Variants in LSAMP observed in about 807,000 individuals in gnomAD.
The protein encoded by LSAMP is limbic system-associated membrane protein.
Under a neutral mutation model 38.6 loss-of-function variants are expected in LSAMP, and 7 were observed. The ratio of observed to expected loss-of-function variants is 0.18; its 90% confidence interval spans 0.10 to 0.34. The LOEUF (loss-of-function observed/expected upper bound fraction) is 0.34, where lower values mean the gene tolerates loss of function less well. Among genes scored for constraint, LSAMP ranks in the 10% least tolerant of loss-of-function variants. LSAMP has a pLI of 1.00. For synonymous variants in LSAMP, 154 were observed against 166.8 expected, an observed-to-expected ratio of 0.92 and a Z score of 0.59; for missense variants, 313 against 420.0, an observed-to-expected ratio of 0.75 and a Z score of 2.23.
chr3:116,228,680 A>G (rs2046368601), intron 1 of LSAMP, among the ~76,000 whole-genome samples: 1 of 152,128 alleles, frequency 6.6e-6, no homozygotes, highest in African/African-American at 2.4e-5. Flanking sequence ...TATTAAATGT[A>G]AAAACAATTT....
chr3:116,079,631 CAAAAAAAAAAAA>C (rs34038261), intron 2 of LSAMP, among the ~76,000 whole-genome samples: 3 of 86,130 alleles, frequency 3.5e-5, no homozygotes, highest in African/African-American at 8.5e-5. Context: ...GACTCTGTCT[CAAAAAAAAAAAA>C]AAAAAAAAAG....
chr3:116,358,057 T>A (rs2048250026), intron 1 of LSAMP, among the ~76,000 whole-genome samples: 1 of 152,202 alleles, frequency 6.6e-6, no homozygotes, highest in African/African-American at 2.4e-5. Flanking sequence ...TTACTTTCTA[T>A]CCTTGCATGA....
intron 6 of LSAMP, among the ~76,000 whole-genome samples, chr3:115,818,583 A>G (rs1269202733): frequency 1.3e-5 from 2 of 151,542 alleles, no homozygotes; most frequent in South Asian, 2.1e-4. Flanking sequence ...TATACTTACA[A>G]TGGTGCCAGA....
intron 2 of LSAMP, among the ~76,000 whole-genome samples, chr3:116,023,391 G>A (rs1321567012): frequency 6.6e-6 from 1 of 150,936 alleles, no homozygotes; most frequent in East Asian, 2.0e-4. Flanking sequence ...TCAGGAGATC[G>A]AGACCATCCT....
At chr3:115,849,457 A>C (rs551550444) in intron 4 of LSAMP, among the ~76,000 whole-genome samples, 3 of 146,772 alleles carry the variant, frequency 2.0e-5, no homozygotes, top group Admixed American at 7.1e-5. Context: ...TGCTGATGGG[A>C]GAAAGTTAAT....
chr3:116,320,751 C>T (rs79839859), intron 1 of LSAMP, among the ~76,000 whole-genome samples: 10,945 of 152,182 alleles, frequency 0.072, 414 homozygotes, highest in African/African-American at 0.088. Context: ...TAGCCCAAAC[C>T]CCACCTTCAT....
intron 2 of LSAMP, among the ~76,000 whole-genome samples, chr3:116,041,819 A>C (rs12490908): frequency 0.44 from 63,774 of 145,530 alleles, 15,222 homozygotes; most frequent in African/African-American, 0.63. Context: ...AACAAAACAA[A>C]AAAAAAACAC....
chr3:115,883,366 A>G (rs1312170055), intron 3 of LSAMP, among the ~76,000 whole-genome samples: 1 of 152,096 alleles, frequency 6.6e-6, no homozygotes, highest in Non-Finnish European at 1.5e-5. Context: ...AGTGAGGATC[A>G]ATAATAAGGA....
At chr3:116,105,554 C>CG (rs1400270737) in intron 1 of LSAMP, among the ~76,000 whole-genome samples, 37 of 149,350 alleles carry the variant, frequency 2.5e-4, no homozygotes, top group African/African-American at 6.7e-4. Flanking sequence ...TGGGCAGGGG[C>CG]GGGGGTCACA....
chr3:115,844,235 C>A (rs543389368), intron 4 of LSAMP, among the ~76,000 whole-genome samples: 1 of 152,164 alleles, frequency 6.6e-6, no homozygotes, highest in South Asian at 2.1e-4. Context: ...ATTTTCAAAC[C>A]CTTAACTAAT....
chr3:116,348,800 G>A (rs2107762619), intron 1 of LSAMP, among the ~76,000 whole-genome samples: 1 of 152,170 alleles, frequency 6.6e-6, no homozygotes, highest in Admixed American at 6.5e-5. Flanking sequence ...AGAGGATAAA[G>A]GGCAACAAAT....
intron 3 of LSAMP, among the ~76,000 whole-genome samples, chr3:116,014,497 T>TA: frequency 6.6e-6 from 1 of 152,004 alleles, no homozygotes; most frequent in Non-Finnish European, 1.5e-5. Flanking sequence ...TATTGAAAAA[T>TA]AAAAAATGCA....
chr3:116,300,843 T>C (rs1447847488), intron 1 of LSAMP, among the ~76,000 whole-genome samples: 1 of 152,100 alleles, frequency 6.6e-6, no homozygotes, highest in Non-Finnish European at 1.5e-5. Context: ...ATCACATAAG[T>C]CGGCATGTAA....
At chr3:115,871,631 CAGAG>C (rs1254116764) in intron 3 of LSAMP, among the ~76,000 whole-genome samples, 165 of 121,386 alleles carry the variant, frequency 1.4e-3, no homozygotes, top group Middle Eastern at 4.1e-3. Context: ...GAGAGACAGA[CAGAG>C]AGACAAAGAG....
At chr3:116,023,146 A>T (rs563306998) in intron 2 of LSAMP, among the ~76,000 whole-genome samples, 1 of 150,594 alleles carries the variant, frequency 6.6e-6, no homozygotes, top group Admixed American at 6.7e-5. Context: ...ATATATGTGT[A>T]TATATACATA....
At chr3:115,940,349 GT>G (rs1937874540) in intron 3 of LSAMP, among the ~76,000 whole-genome samples, 1 of 152,162 alleles carries the variant, frequency 6.6e-6, no homozygotes, top group African/African-American at 2.4e-5. Flanking sequence ...GTGCTGATTG[GT>G]GCATTTACAG....
chr3:116,209,099 G>A (rs1388750212), intron 1 of LSAMP, among the ~76,000 whole-genome samples: 4 of 152,334 alleles, frequency 2.6e-5, no homozygotes, highest in South Asian at 2.1e-4. Context: ...ATATAATCTC[G>A]TGGTGTGCCG....
At chr3:116,123,702 A>G (rs1708939704) in intron 1 of LSAMP, among the ~76,000 whole-genome samples, 1 of 152,182 alleles carries the variant, frequency 6.6e-6, no homozygotes, top group Non-Finnish European at 1.5e-5. Context: ...TAAATTTAAG[A>G]AGTCACTATC....
At chr3:115,913,379 T>G (rs770680345) in intron 3 of LSAMP, among the ~76,000 whole-genome samples, 1 of 152,206 alleles carries the variant, frequency 6.6e-6, no homozygotes, top group Non-Finnish European at 1.5e-5. Context: ...CCAGCTCACC[T>G]GGCTGCATGA....
Sources: allele counts gnomAD v4.1 joint callset (sites outside exome capture counted in the v4.1 genomes callset), GRCh38; gene constraint gnomAD v4.1.1; transcripts MANE v1.5; gene names NCBI Gene and HGNC (gene_info 2026-07-23, HGNC 2026-07-21).